OSTF1: variants seen among roughly 807,000 people sequenced by gnomAD.
OSTF1 encodes osteoclast-stimulating factor 1.
In OSTF1, 27 loss-of-function variants were observed where a neutral mutation model predicts 37.2. That is an observed-to-expected ratio of 0.73 (90% confidence interval 0.54 to 1.00). The LOEUF is 1.00. Ranked by LOEUF, OSTF1 falls within the 50% of genes least tolerant of loss-of-function variation. The pLI is 0.00. For missense variants in OSTF1, 232 were observed against 253.8 expected (o/e 0.91, Z 0.58); for synonymous variants, 82 against 89.2 (o/e 0.92, Z 0.46).
At chr9:75,133,484 A>C (rs1825798647) in intron 6 of OSTF1, 83 bp downstream of exon 6, 1 of 811,886 alleles carries the variant, frequency 1.2e-6, no homozygotes, top group Non-Finnish European at 2.1e-6. Context: ...AAAAATGAGA[A>C]AGGAAAAGCA....
chr9:75,105,325 G>C (rs1326070556), intron 1 of OSTF1, among the ~76,000 whole-genome samples: 1 of 152,156 alleles, frequency 6.6e-6, no homozygotes, highest in Non-Finnish European at 1.5e-5. Flanking sequence ...GGGCCAAATA[G>C]TAAATACTTT....
intron 1 of OSTF1, 120 bp downstream of exon 1, chr9:75,088,846 C>A: frequency 1.1e-6 from 1 of 936,718 alleles, no homozygotes; most frequent in Non-Finnish European, 1.7e-6. Flanking sequence ...CTTCCGAGAT[C>A]GGCCCCACCG....
intron 1 of OSTF1, among the ~76,000 whole-genome samples, chr9:75,112,929 C>CA (rs1449315792): frequency 6.6e-6 from 1 of 152,180 alleles, no homozygotes; most frequent in Non-Finnish European, 1.5e-5. Context: ...TCTCTGCTCT[C>CA]AGAGAGACAA....
chr9:75,126,919 T>C (rs1295670465), intron 2 of OSTF1, among the ~76,000 whole-genome samples: 1 of 152,220 alleles, frequency 6.6e-6, no homozygotes, highest in Non-Finnish European at 1.5e-5. Context: ...ATTTGGTTGG[T>C]ACAGGCCAGA....
At chr9:75,100,695 T>TTACA (rs948275149) in intron 1 of OSTF1, among the ~76,000 whole-genome samples, 3 of 147,804 alleles carry the variant, frequency 2.0e-5, no homozygotes, top group African/African-American at 7.6e-5. Context: ...CAGGCCACTG[T>TTACA]AGTCCAGCCT....
chr9:75,133,445 G>C, intron 6 of OSTF1, 44 bp downstream of exon 6: 1 of 1,174,134 alleles, frequency 8.5e-7, no homozygotes, highest in African/African-American at 1.5e-5. Context: ...TGCTGAAAAT[G>C]TGTTTCACCT....
chr9:75,127,421 T>G (rs977961793), intron 2 of OSTF1, 148 bp from the exon 3 acceptor site: 1 of 464,906 alleles, frequency 2.2e-6, no homozygotes, highest in South Asian at 4.4e-5. Flanking sequence ...TGTTAATTTT[T>G]CAGTAGTGTT....
At chr9:75,125,821 A>T (rs2118554808) in intron 2 of OSTF1, among the ~76,000 whole-genome samples, 1 of 152,388 alleles carries the variant, frequency 6.6e-6, no homozygotes, top group East Asian at 1.9e-4. Context: ...TTGCTAGTGC[A>T]GAATCATATT....
At chr9:75,123,192 C>T (rs1003930611) in intron 2 of OSTF1, among the ~76,000 whole-genome samples, 34 of 152,306 alleles carry the variant, frequency 2.2e-4, no homozygotes, top group East Asian at 9.7e-4. Context: ...GAGGCCGAGG[C>T]GGGTGGATCA....
chr9:75,139,240 C>CG, intron 8 of OSTF1, among the ~76,000 whole-genome samples: 1 of 151,054 alleles, frequency 6.6e-6, no homozygotes. Context: ...CGCCATGTTA[C>CG]CCAGTCTGGT....
rs1026879051 is a variant in OSTF1 at position 75,137,662 on chromosome 9, A to G, written c.487+46A>G. On this transcript the variant is annotated intron_variant, in intron 8 of 9. Coordinates refer to ENST00000346234, the MANE Select transcript of OSTF1 (RefSeq NM_012383.5). ...ATCTGGTCTTTGCTTGCCCTGAAAAATAGTCTATATCAACTTACGCCATTT... is the reference window on the plus strand; with the variant it reads ...ATCTGGTCTTTGCTTGCCCTGAAAAGTAGTCTATATCAACTTACGCCATTT... 3 of 1,174,598 alleles carry G rather than the reference A, an allele frequency of 2.6e-6. No individual in the cohort carries two copies. The Admixed American group carries it at 5.1e-5, about 20-fold the overall frequency. The allele number at this position is 1,174,598 out of a possible 1,614,324, so 72.8% of individuals were successfully genotyped here. A position where few individuals can be genotyped will look rare whatever the true frequency, so the allele number is the denominator to read the frequency against.
At chr9:75,143,571 G>C (rs1357704065) in intron 9 of OSTF1, among the ~76,000 whole-genome samples, 1 of 152,120 alleles carries the variant, frequency 6.6e-6, no homozygotes, top group Admixed American at 6.5e-5. Flanking sequence ...TACTTTTTGT[G>C]ACTGACCTCT....
At chr9:75,100,729 CAAA>C (rs36001530) in intron 1 of OSTF1, among the ~76,000 whole-genome samples, 4 of 97,394 alleles carry the variant, frequency 4.1e-5, no homozygotes, top group African/African-American at 7.4e-5. Flanking sequence ...AGACTCGTCT[CAAA>C]AAAAAAAAAA....
intron 2 of OSTF1, among the ~76,000 whole-genome samples, chr9:75,123,943 A>G (rs995333094): frequency 5.3e-5 from 8 of 152,358 alleles, no homozygotes; most frequent in African/African-American, 1.7e-4. Context: ...CATTAATTCA[A>G]AAACCGAAAT....
In OSTF1 at chr9:75,108,475, A is replaced by G. The variant is rs978152104; in HGVS notation, c.35-9029A>G. ...GAAATTCTCTCAGTTGAATGTATAA[A>G]TGATTATTCATTGTTGGAGGAGTAA... On this transcript the variant is annotated intron_variant, in intron 1 of 9. Transcript: ENST00000346234. Among the ~76,000 whole-genome samples, 51 of 152,116 alleles carry G rather than the reference A, an allele frequency of 3.4e-4. No individual in the cohort carries two copies. The Middle Eastern group carries it at 0.017, about 51-fold the overall frequency.
chr9:75,130,750 A>G, intron 4 of OSTF1, 109 bp downstream of exon 4: 1 of 719,296 alleles, frequency 1.4e-6, no homozygotes, highest in Non-Finnish European at 2.6e-6. Context: ...AGTCATTGTC[A>G]GTCTAGGACA....
At chr9:75,141,312 C>CAAAAAAAAAAAAAAAAAAAAAAAAAAAA (rs529293090) in intron 9 of OSTF1, among the ~76,000 whole-genome samples, 1 of 71,678 alleles carries the variant, frequency 1.4e-5, no homozygotes, top group Non-Finnish European at 2.5e-5. Flanking sequence ...AAAAGAAAAC[C>CAAAAAAAAAAAAAAAAAAAAAAAAAAAA]AAAAAAAAAA....
In OSTF1 at chr9:75,128,534, ATATATATATATT is replaced by A. The variant is rs1825708809; in HGVS notation, c.132+917_132+928del. Among the ~76,000 whole-genome samples, 2 of 35,110 alleles carry A rather than the reference ATATATATATATT, an allele frequency of 5.7e-5. 1 individual carries two copies. Among genetic ancestry groups the A allele is most frequent in the African/African-American group, 2.7e-4 (2 of 7,484 alleles). The allele number at this position is 35,110 out of a possible 152,430, so 23.0% of individuals were successfully genotyped here. ...ATATATATATATTTTGTCCATATAT[ATATATATATATT>A]TTGTCCATATATATATATATATATA... On this transcript the variant is annotated intron_variant, in intron 3 of 9. Coordinates refer to ENST00000346234, the MANE Select transcript of OSTF1 (RefSeq NM_012383.5).
intron 2 of OSTF1, 84 bp downstream of exon 2, chr9:75,117,634 C>A: frequency 2.0e-6 from 2 of 1,014,032 alleles, no homozygotes; most frequent in Non-Finnish European, 3.1e-6. Flanking sequence ...TGTGAATGGT[C>A]TGCCTTTTCT....
Sources: allele counts gnomAD v4.1 joint callset (sites outside exome capture counted in the v4.1 genomes callset), GRCh38; gene constraint gnomAD v4.1.1; transcripts MANE v1.5; gene names NCBI Gene and HGNC (gene_info 2026-07-23, HGNC 2026-07-21).